DGKB: variants seen among roughly 807,000 people sequenced by gnomAD.
DGKB encodes the protein diacylglycerol kinase beta.
DGKB carries 67 observed loss-of-function variants against 114.3 expected under a neutral mutation model. The ratio of observed to expected loss-of-function variants is 0.59; its 90% CI spans 0.48 to 0.72. The LOEUF (loss-of-function observed/expected upper bound fraction) is 0.72, where lower values mean the gene tolerates loss of function less well. DGKB is among the 30% of genes least tolerant of loss of function. The probability of loss-of-function intolerance (pLI) is 0.00; values close to 1 mark genes in which losing one functional copy is unlikely to be tolerated. For synonymous variants in DGKB, 398 were observed against 323.1 expected, an observed-to-expected ratio of 1.23 and a Z score of -2.49; for missense variants, 907 against 975.2, an observed-to-expected ratio of 0.93 and a Z score of 0.93.
chr7:14,646,535 C>T (rs1001179720), intron 13 of DGKB, among the ~76,000 whole-genome samples: 3 of 152,136 alleles, frequency 2.0e-5, no homozygotes, highest in Admixed American at 6.5e-5. Flanking sequence ...AGCTGCAGAA[C>T]ACACATTATT....
At chr7:14,574,174 G>A (rs774850159) in intron 20 of DGKB, 38 bp downstream of exon 20, 2 of 1,564,918 alleles carry the variant, frequency 1.3e-6, no homozygotes, top group Non-Finnish European at 1.8e-6. Flanking sequence ...TGATTATACA[G>A]TACAGGTACA....
chr7:14,334,562 T>A (rs186972388), intron 23 of DGKB, among the ~76,000 whole-genome samples: 11 of 152,112 alleles, frequency 7.2e-5, no homozygotes, highest in Admixed American at 5.2e-4. Flanking sequence ...ATAGTTTTTT[T>A]ATTGTCCGCA....
At position 14,929,223 on chromosome 7, in the gene DGKB, A is replaced by G. The variant is rs1296538876; in HGVS notation, c.-188+45473T>C. ...GTGCAGATATCTTTTTGGTATAACG[A>G]TATTATTTCCTTTGGGTAGATAACC... On this transcript the variant is annotated intron_variant, in intron 1 of 4. Coordinates refer to the DGKB transcript ENST00000437998. 2.6e-5 allele frequency among the ~76,000 whole-genome samples: 4 copies of G among 152,048 alleles called. No homozygotes were observed. In the East Asian group the frequency reaches 7.7e-4, roughly 29 times the overall value.
chr7:14,700,354 C>T (rs577145099), intron 7 of DGKB, among the ~76,000 whole-genome samples: 1 of 151,928 alleles, frequency 6.6e-6, no homozygotes, highest in African/African-American at 2.4e-5. Context: ...GCTGGGATTA[C>T]AGGTGCCCAC....
chr7:14,322,071 G>T (rs140037904), intron 23 of DGKB, among the ~76,000 whole-genome samples: 1 of 152,154 alleles, frequency 6.6e-6, no homozygotes, highest in African/African-American at 2.4e-5. Flanking sequence ...TAGTACTGGC[G>T]TAAGGACTGA....
rs1398856309 is a variant in DGKB at position 14,192,033 on chromosome 7, G to C, written c.2123-13882C>G. The C allele has an allele frequency of 2.7e-5, 13 of 480,808 alleles. No homozygotes were observed. In the East Asian group the frequency reaches 7.3e-4, roughly 27 times the overall value. The allele number at this position is 480,808 out of a possible 1,614,324, so 29.8% of individuals were successfully genotyped here. A position where few individuals can be genotyped will look rare whatever the true frequency, so the allele number is the denominator to read the frequency against. On this transcript the variant is annotated intron_variant, in intron 23 of 25. Coordinates refer to ENST00000402815, the MANE Select transcript of DGKB (RefSeq NM_001350709.2). Reference sequence around the variant, plus strand: ...TTCTGACTATCCTCTGAGTCATTTTGCTATTTGTTCTATGAGACAGATAGT... The same window carrying C: ...TTCTGACTATCCTCTGAGTCATTTTCCTATTTGTTCTATGAGACAGATAGT...
At chr7:14,161,905 A>ATAAAC (rs1783955140) in intron 25 of DGKB, among the ~76,000 whole-genome samples, 2 of 152,204 alleles carry the variant, frequency 1.3e-5, no homozygotes, top group Non-Finnish European at 2.9e-5. Context: ...AATAAAAATA[A>ATAAAC]TAAACTATGA....
intron 23 of DGKB, among the ~76,000 whole-genome samples, chr7:14,293,076 G>T (rs1277658871): frequency 6.6e-6 from 1 of 152,114 alleles, no homozygotes; most frequent in African/African-American, 2.4e-5. Context: ...TATCCTTTGA[G>T]TACATGTATA....
At chr7:14,678,957 C>T (rs1820358469) in intron 12 of DGKB, among the ~76,000 whole-genome samples, 1 of 151,932 alleles carries the variant, frequency 6.6e-6, no homozygotes, top group Non-Finnish European at 1.5e-5. Flanking sequence ...TTTCCAGTGA[C>T]TGGAAGCATG....
At chr7:14,381,984 T>A (rs1271794645) in intron 21 of DGKB, among the ~76,000 whole-genome samples, 1 of 152,230 alleles carries the variant, frequency 6.6e-6, no homozygotes, top group Non-Finnish European at 1.5e-5. Context: ...GTTTTGTCAG[T>A]ATGACTTCTT....
intron 5 of DGKB, among the ~76,000 whole-genome samples, chr7:14,731,117 G>T (rs1830849188): frequency 6.6e-6 from 1 of 152,178 alleles, no homozygotes; most frequent in South Asian, 2.1e-4. Flanking sequence ...GCAGCGGAAG[G>T]TGGGAGGATT....
intron 4 of DGKB, among the ~76,000 whole-genome samples, chr7:14,753,509 A>G (rs897454582): frequency 1.4e-5 from 1 of 69,704 alleles, no homozygotes; most frequent in African/African-American, 3.5e-4. Flanking sequence ...TGTAGACAAA[A>G]CAAAACAAAA....
At chr7:14,713,451 G>A (rs562093458) in intron 6 of DGKB, among the ~76,000 whole-genome samples, 2 of 152,078 alleles carry the variant, frequency 1.3e-5, no homozygotes, top group Admixed American at 6.6e-5. Context: ...CTGCTTAGGT[G>A]TGTTTGACAT....
intron 23 of DGKB, among the ~76,000 whole-genome samples, chr7:14,210,524 G>C (rs1261436958): frequency 6.6e-6 from 1 of 152,026 alleles, no homozygotes; most frequent in African/African-American, 2.4e-5. Flanking sequence ...TATGTTGCCA[G>C]AATCACAACA....
intron 21 of DGKB, among the ~76,000 whole-genome samples, chr7:14,396,555 A>G (rs991825582): frequency 3.3e-5 from 5 of 152,132 alleles, no homozygotes; most frequent in Admixed American, 2.0e-4. Context: ...GTGGCCATGG[A>G]CCAAAAGGCT....
intron 17 of DGKB, among the ~76,000 whole-genome samples, chr7:14,599,594 C>T (rs537570605): frequency 1.7e-3 from 261 of 152,280 alleles, no homozygotes; most frequent in Non-Finnish European, 4.4e-4. Context: ...AATGCACACT[C>T]CTTGTTTACA....
In DGKB at chr7:14,643,253, C is replaced by G. The variant is rs1812179832; in HGVS notation, c.1135-12985G>C. ...GAGATTCCCCAGCCATCTACATTCC[C>G]ATCAGAGATGTCTGGAATCCTAGGG... On this transcript the variant is annotated intron_variant, in intron 13 of 25. Transcript: ENST00000402815. Among the ~76,000 whole-genome samples, 3 of 152,150 alleles carry G rather than the reference C, an allele frequency of 2.0e-5. No individual in the cohort carries two copies. In the South Asian group the frequency reaches 6.2e-4, roughly 32 times the overall value.
chr7:14,305,719 G>T (rs1804356013), intron 23 of DGKB, among the ~76,000 whole-genome samples: 1 of 152,118 alleles, frequency 6.6e-6, no homozygotes, highest in Admixed American at 6.6e-5. Context: ...TCAAGGCCTT[G>T]ATTTGCCAAT....
intron 1 of DGKB, among the ~76,000 whole-genome samples, chr7:14,870,271 T>C (rs1305988181): frequency 1.3e-5 from 2 of 152,344 alleles, no homozygotes; most frequent in Middle Eastern, 3.4e-3. Flanking sequence ...TTCTACCTTG[T>C]AGCTTCCTGT....
Sources: gnomAD v4.1 joint callset for allele counts (sites outside exome capture counted in the v4.1 genomes callset) on GRCh38, gnomAD v4.1.1 for gene constraint, MANE v1.5 for transcripts, NCBI Gene and HGNC (gene_info 2026-07-23, HGNC 2026-07-21) for gene names.